Variants in WDFY4 observed in about 807,000 individuals in gnomAD.
WDFY4 encodes the protein WDFY family member 4.
In WDFY4, 169 loss-of-function variants were observed where a neutral mutation model predicts 351.9. That is an observed-to-expected ratio of 0.48 (90% confidence interval 0.42 to 0.55). WDFY4 has a LOEUF of 0.55. Among genes scored for constraint, WDFY4 ranks in the 20% least tolerant of loss-of-function variants. The pLI is 0.00. For synonymous variants in WDFY4, 1,622 were observed against 1,574.6 expected (o/e 1.03, Z -0.71); for missense variants, 3,803 against 3,935.6 (o/e 0.97, Z 0.90).
rs556958593 is a variant in WDFY4, at chr10:48,949,805, G to T, written c.7977+2836G>T. Among the ~76,000 whole-genome samples, 5 of 152,266 alleles carry T rather than the reference G, an allele frequency of 3.3e-5. No individual in the cohort carries two copies. In the South Asian group the frequency reaches 1.0e-3, roughly 32 times the overall value. On this transcript the variant is annotated intron_variant, in intron 51 of 61. Transcript: ENST00000325239. ...GTGGAGACATACGTGGTGAGCCTGG[G>T]GCTCATGTCCCAGCATCCCCAGGGC...
At chr10:48,724,557 T>C (rs1429308050) in intron 5 of WDFY4, among the ~76,000 whole-genome samples, 1 of 152,154 alleles carries the variant, frequency 6.6e-6, no homozygotes, top group Non-Finnish European at 1.5e-5. Flanking sequence ...TTAGGTGCCC[T>C]GAAGGGAAGT....
intron 47 of WDFY4, among the ~76,000 whole-genome samples, chr10:48,908,713 T>C (rs924297903): frequency 1.3e-5 from 2 of 152,116 alleles, no homozygotes; most frequent in African/African-American, 4.8e-5. Flanking sequence ...TCACTTAATA[T>C]CCCCCTCTAC....
intron 13 of WDFY4, among the ~76,000 whole-genome samples, chr10:48,768,723 AAGAGAGAGAGAGAG>A (rs71026224): frequency 2.8e-5 from 4 of 140,978 alleles, no homozygotes; most frequent in African/African-American, 1.1e-4. Context: ...GGGAGAGGAG[AAGAGAGAGAGAGAG>A]AGAGAGAGAG....
At chr10:48,795,416 C>G (rs925237433) in intron 23 of WDFY4, among the ~76,000 whole-genome samples, 1 of 148,456 alleles carries the variant, frequency 6.7e-6, no homozygotes, top group Admixed American at 6.8e-5. Context: ...AGCCAGTCAG[C>G]CTGAATGTTT....
intron 35 of WDFY4, chr10:48,823,379 C>T: frequency 8.1e-7 from 1 of 1,236,078 alleles, no homozygotes; most frequent in Non-Finnish European, 1.0e-6. Flanking sequence ...CCTGGTTATG[C>T]CCTCTGCAGC....
At chr10:48,685,189 G>A (rs923496294) in intron 1 of WDFY4, among the ~76,000 whole-genome samples, 188 bp downstream of exon 1, 7 of 152,110 alleles carry the variant, frequency 4.6e-5, no homozygotes, top group Non-Finnish European at 7.4e-5. Flanking sequence ...TGTGTGTGGC[G>A]TGGGGGGCCC....
At chr10:48,921,573 A>C (rs768456271) in intron 47 of WDFY4, among the ~76,000 whole-genome samples, 9 of 147,850 alleles carry the variant, frequency 6.1e-5, no homozygotes, top group Non-Finnish European at 1.0e-4. Flanking sequence ...AAAAGATAGT[A>C]TTAATAAGTT....
At chr10:48,969,741 C>T (rs571627213) in intron 56 of WDFY4, among the ~76,000 whole-genome samples, 28 of 41,934 alleles carry the variant, frequency 6.7e-4, no homozygotes, top group Middle Eastern at 0.011. Context: ...TCCAGCTCCC[C>T]TCCCCTAATC....
chr10:48,897,342 G>A, intron 44 of WDFY4, 112 bp from the exon 45 acceptor site: 1 of 1,429,456 alleles, frequency 7.0e-7, no homozygotes, highest in Non-Finnish European at 9.4e-7. Context: ...CTTCTCTGAT[G>A]TGTCATTGGA....
rs375476779 is a variant in WDFY4 at position 48,748,684 on chromosome 10, A to AT, written c.2459+5145dup. Among the ~76,000 whole-genome samples the AT allele has an allele frequency of 3.0e-3, 458 of 151,280 alleles. 3 individuals carry two copies. The highest frequency in any genetic ancestry group is 9.9e-3 in the African/African-American group (409 of 41,234). On this transcript the variant is annotated intron_variant, in intron 12 of 61. Coordinates refer to ENST00000325239, the MANE Select transcript of WDFY4 (RefSeq NM_001394531.1). The stretch of plus-strand genomic sequence containing the variant: ...AAGACCCATGTTTCATAAATAGAGC[A>AT]TTTTTTTTTCTCCCTAAAAGAGATA...
intron 40 of WDFY4, among the ~76,000 whole-genome samples, chr10:48,872,854 T>C (rs1221861044): frequency 6.6e-6 from 1 of 152,242 alleles, no homozygotes; most frequent in Non-Finnish European, 1.5e-5. Flanking sequence ...TTTTAGCTCC[T>C]GTGAATATTC....
chr10:48,910,365 G>A, intron 47 of WDFY4: 2 of 946,076 alleles, frequency 2.1e-6, no homozygotes, highest in Non-Finnish European at 3.5e-6. Flanking sequence ...CTGACCTTCA[G>A]GATGGTCAGG....
intron 57 of WDFY4, among the ~76,000 whole-genome samples, chr10:48,972,947 C>G (rs1167803366): frequency 6.6e-6 from 1 of 152,126 alleles, no homozygotes; most frequent in Non-Finnish European, 1.5e-5. Flanking sequence ...AACAAAACCC[C>G]CTTTGAAGCT....
chr10:48,823,833 C>A, intron 35 of WDFY4: 5 of 987,744 alleles, frequency 5.1e-6, no homozygotes, highest in Non-Finnish European at 6.0e-6. Context: ...TGATGCCTGC[C>A]CCTCTTAACC....
chr10:48,954,250 T>C (rs1841481678), intron 51 of WDFY4, among the ~76,000 whole-genome samples: 1 of 152,234 alleles, frequency 6.6e-6, no homozygotes, highest in East Asian at 1.9e-4. Flanking sequence ...ACCTTTTGCC[T>C]CAGAATCCTC....
intron 33 of WDFY4, among the ~76,000 whole-genome samples, chr10:48,820,805 C>A (rs1055686136): frequency 6.6e-6 from 1 of 152,166 alleles, no homozygotes; most frequent in African/African-American, 2.4e-5. Context: ...AGGGCCGGCC[C>A]CACCTGTGGC....
At chr10:48,749,655 G>A (rs2065120594) in intron 12 of WDFY4, among the ~76,000 whole-genome samples, 3 of 152,288 alleles carry the variant, frequency 2.0e-5, no homozygotes, top group South Asian at 2.1e-4. Flanking sequence ...AGACTGTGGT[G>A]GGCCTTGCAC....
intron 39 of WDFY4, among the ~76,000 whole-genome samples, chr10:48,864,597 A>G (rs2069473706): frequency 6.6e-6 from 1 of 152,148 alleles, no homozygotes; most frequent in African/African-American, 2.4e-5. Context: ...TTGAAGATTG[A>G]CTTTTCAATT....
chr10:48,912,487 T>G (rs1220505547), intron 47 of WDFY4, among the ~76,000 whole-genome samples: 1 of 152,246 alleles, frequency 6.6e-6, no homozygotes, highest in Non-Finnish European at 1.5e-5. Context: ...AGGCCAGCCC[T>G]GCACATCCAC....
Sources: gnomAD v4.1 joint callset for allele counts (sites outside exome capture counted in the v4.1 genomes callset) on GRCh38, gnomAD v4.1.1 for gene constraint, MANE v1.5 for transcripts, NCBI Gene and HGNC (gene_info 2026-07-23, HGNC 2026-07-21) for gene names.